Variants in ERCC6L2 observed in about 807,000 individuals in gnomAD.
The protein encoded by ERCC6L2 is DNA excision repair protein ERCC-6-like 2.
In ERCC6L2, 77 loss-of-function variants were observed where a neutral mutation model predicts 132.0. The ratio of observed to expected loss-of-function variants is 0.58; its 90% CI spans 0.49 to 0.71. The LOEUF (loss-of-function observed/expected upper bound fraction) is 0.71. Among genes scored for constraint, ERCC6L2 ranks in the 30% least tolerant of loss-of-function variants. The probability of loss-of-function intolerance (pLI) is 0.00; values close to 1 mark genes in which losing one functional copy is unlikely to be tolerated. For synonymous variants in ERCC6L2, 583 were observed against 632.4 expected, an observed-to-expected ratio of 0.92 and a Z score of 1.17; for missense variants, 1,542 against 1,837.6, an observed-to-expected ratio of 0.84 and a Z score of 2.94.
chr9:95,896,624 A>T (rs116948512), intron 2 of ERCC6L2, among the ~76,000 whole-genome samples: 1 of 151,820 alleles, frequency 6.6e-6, no homozygotes, highest in East Asian at 1.9e-4. Flanking sequence ...GGGTTTTGCC[A>T]TGTTGCCCAC....
intron 16 of ERCC6L2, 43 bp downstream of exon 16, chr9:95,973,131 T>C: frequency 8.5e-7 from 1 of 1,174,508 alleles, no homozygotes; most frequent in Non-Finnish European, 1.1e-6. Flanking sequence ...AGTATATTTG[T>C]TTTATCAAAT....
chr9:95,897,746 CTT>C, intron 2 of ERCC6L2, 101 bp from the exon 3 acceptor site: 1 of 1,180,894 alleles, frequency 8.5e-7, no homozygotes. Flanking sequence ...CAACAAATCT[CTT>C]TGTACATACT....
At chr9:95,900,103 G>T (rs565591360) in intron 3 of ERCC6L2, among the ~76,000 whole-genome samples, 23 of 151,686 alleles carry the variant, frequency 1.5e-4, no homozygotes, top group African/African-American at 5.6e-4. Context: ...GTGTTCCTTT[G>T]GGCCAGGCAT....
chr9:95,954,422 C>T lies in ERCC6L2; in HGVS notation c.1848-1492C>T, dbSNP rs1587970773. On this transcript the variant is annotated intron_variant, in intron 12 of 18. Coordinates refer to ENST00000653738, the MANE Select transcript of ERCC6L2 (RefSeq NM_020207.7). ...AACTGAATAAATGGCATTCCTTTTC[C>T]TCTCCCTGTCCTTCCACTGACTCTG... 2.0e-5 allele frequency among the ~76,000 whole-genome samples: 3 copies of T among 152,238 alleles called. No homozygotes were observed. The East Asian group carries it at 5.8e-4, about 29-fold the overall frequency.
rs754600870 is a variant in ERCC6L2 at position 95,899,047 on chromosome 9, C to CTA, written c.594+1084_594+1085dup. On this transcript the variant is annotated intron_variant, in intron 3 of 18. Coordinates refer to ENST00000653738, the MANE Select transcript of ERCC6L2 (RefSeq NM_020207.7). ...CTGGTTCTAAATGTCACCACAGAGC[C>CTA]TATATATATCTCTTTTATGCCACTG... is the stretch of plus-strand genomic sequence containing the variant. Among the ~76,000 whole-genome samples, 40 of 151,912 alleles carry CTA rather than the reference C, an allele frequency of 2.6e-4. 1 individual carries two copies. In the Middle Eastern group the frequency reaches 0.014, roughly 52 times the overall value.
chr9:96,001,622 G>A (rs1238247296), intron 17 of ERCC6L2, among the ~76,000 whole-genome samples: 1 of 152,224 alleles, frequency 6.6e-6, no homozygotes, highest in Non-Finnish European at 1.5e-5. Context: ...GACTCTCCAC[G>A]TCCCCACCAG....
intron 19 of ERCC6L2, among the ~76,000 whole-genome samples, chr9:96,025,455 G>A (rs1392280765): frequency 6.6e-6 from 1 of 152,182 alleles, no homozygotes; most frequent in Non-Finnish European, 1.5e-5. Flanking sequence ...AGTGTGATCC[G>A]GAATGCCTCC....
At chr9:95,937,947 C>A (rs956904896) in intron 11 of ERCC6L2, among the ~76,000 whole-genome samples, 2 of 151,452 alleles carry the variant, frequency 1.3e-5, no homozygotes, top group Admixed American at 1.3e-4. Flanking sequence ...TTTAATGTTA[C>A]AAATTTTCCT....
At chr9:95,889,886 T>G (rs1828068377) in intron 2 of ERCC6L2, among the ~76,000 whole-genome samples, 1 of 152,214 alleles carries the variant, frequency 6.6e-6, no homozygotes, top group African/African-American at 2.4e-5. Flanking sequence ...TTAGGTGGTG[T>G]TAACAATATT....
chr9:95,949,061 C>T (rs946583231), intron 12 of ERCC6L2, among the ~76,000 whole-genome samples: 5 of 151,792 alleles, frequency 3.3e-5, no homozygotes, highest in African/African-American at 9.7e-5. Context: ...GAGAACCAAA[C>T]AAATTCTGGA....
intron 6 of ERCC6L2, among the ~76,000 whole-genome samples, chr9:95,919,999 G>A (rs1240561590): frequency 6.6e-6 from 1 of 152,214 alleles, no homozygotes; most frequent in African/African-American, 2.4e-5. Context: ...GTGGCAGAGG[G>A]ATTCTGATTA....
At position 95,882,896 on chromosome 9, in the gene ERCC6L2, C is replaced by T. The variant is rs565200382; in HGVS notation, c.471+1603C>T. Among the ~76,000 whole-genome samples, 14 of 152,174 alleles carry T rather than the reference C, an allele frequency of 9.2e-5. No homozygotes were observed. In the South Asian group the frequency reaches 2.9e-3, roughly 32 times the overall value. ...TTCCACAAACTATCATTTAGCATGC[C>T]GGCCTGTAGGTGGAGGATAGACAGC... On this transcript the variant is annotated intron_variant, in intron 2 of 18. Transcript: ENST00000653738.
chr9:95,991,189 T>G (rs886599865), intron 17 of ERCC6L2, among the ~76,000 whole-genome samples: 2 of 152,062 alleles, frequency 1.3e-5, no homozygotes, highest in African/African-American at 2.4e-5. Flanking sequence ...GTCAGCTGTT[T>G]CCACGTAGGA....
chr9:96,017,423 GT>G lies in ERCC6L2; in HGVS notation c.*4221del, dbSNP rs1834205109. Among the ~76,000 whole-genome samples the G allele has an allele frequency of 6.6e-6, 1 of 152,102 alleles. No individual in the cohort carries two copies. The highest frequency in any genetic ancestry group is 2.1e-4 in the South Asian group (1 of 4,822). Reference sequence around the variant, plus strand: ...AGACAGATTCGCCCTTCCTTCCCAAGTCCCAGGCTGTGTGGTTCCCAGCCCC... The same window carrying G: ...AGACAGATTCGCCCTTCCTTCCCAAGCCCAGGCTGTGTGGTTCCCAGCCCC... On this transcript the variant is annotated 3_prime_UTR_variant, in exon 19 of 19. Transcript: ENST00000653738.
At chr9:95,954,567 GAA>G (rs896063595) in intron 12 of ERCC6L2, among the ~76,000 whole-genome samples, 9 of 152,306 alleles carry the variant, frequency 5.9e-5, no homozygotes, top group South Asian at 2.1e-4. Flanking sequence ...TATGGATCAA[GAA>G]ATGATGAAGT....
chr9:95,928,653 T>C, intron 10 of ERCC6L2, 66 bp from the exon 11 acceptor site: 1 of 1,396,624 alleles, frequency 7.2e-7, no homozygotes, highest in Non-Finnish European at 9.6e-7. Flanking sequence ...AAGTCTCAAC[T>C]TTGTAATGGT....
intron 4 of ERCC6L2, among the ~76,000 whole-genome samples, chr9:95,915,338 A>G (rs529697632): frequency 6.6e-6 from 1 of 152,200 alleles, no homozygotes; most frequent in Non-Finnish European, 1.5e-5. Context: ...GCAATAAAAC[A>G]TTGCAAGTTT....
intron 8 of ERCC6L2, 63 bp from the exon 9 acceptor site, chr9:95,923,197 C>T: frequency 6.6e-7 from 1 of 1,509,772 alleles, no homozygotes. Flanking sequence ...TAAATTATTT[C>T]AATTTATACA....
intron 4 of ERCC6L2, among the ~76,000 whole-genome samples, chr9:95,907,858 C>A (rs112935174): frequency 1.4e-4 from 13 of 96,268 alleles, no homozygotes; most frequent in East Asian, 4.0e-4. Flanking sequence ...CACACACACC[C>A]CCACACCCAC....
Sources: gnomAD v4.1 joint callset for allele counts (sites outside exome capture counted in the v4.1 genomes callset) on GRCh38, gnomAD v4.1.1 for gene constraint, MANE v1.5 for transcripts, NCBI Gene and HGNC (gene_info 2026-07-23, HGNC 2026-07-21) for gene names.